Variants in TAFA1 observed in about 807,000 individuals in gnomAD.
The protein encoded by TAFA1 is chemokine-like protein TAFA-1.
A neutral mutation model predicts 18.5 loss-of-function variants in TAFA1; 4 were observed. The observed-to-expected ratio is 0.22, with a 90% CI of 0.11 to 0.49. The LOEUF is 0.49. Among genes scored for constraint, TAFA1 ranks in the 20% least tolerant of loss-of-function variants. The probability of loss-of-function intolerance (pLI) is 0.98; values close to 1 mark genes in which losing one functional copy is unlikely to be tolerated. For synonymous variants in TAFA1, 56 were observed against 55.2 expected, an observed-to-expected ratio of 1.01 and a Z score of -0.06; for missense variants, 147 against 169.0, an observed-to-expected ratio of 0.87 and a Z score of 0.72.
chr3:68,424,719 G>T (rs928269289), intron 3 of TAFA1, among the ~76,000 whole-genome samples: 2 of 151,952 alleles, frequency 1.3e-5, no homozygotes, highest in Admixed American at 1.3e-4. Flanking sequence ...TATGTGAGAA[G>T]GATTATGTAT....
At chr3:68,499,715 A>G (rs1269589506) in intron 3 of TAFA1, among the ~76,000 whole-genome samples, 2 of 151,762 alleles carry the variant, frequency 1.3e-5, no homozygotes, top group Non-Finnish European at 1.5e-5. Context: ...GCAGAAATAA[A>G]CGTATGAATA....
At chr3:68,356,405 T>G (rs758428409) in intron 2 of TAFA1, among the ~76,000 whole-genome samples, 1 of 151,828 alleles carries the variant, frequency 6.6e-6, no homozygotes, top group Non-Finnish European at 1.5e-5. Flanking sequence ...CACGGATGCT[T>G]GGGTTCTTTC....
At chr3:68,464,012 T>C (rs1019297481) in intron 3 of TAFA1, among the ~76,000 whole-genome samples, 1 of 152,210 alleles carries the variant, frequency 6.6e-6, no homozygotes, top group Non-Finnish European at 1.5e-5. Context: ...TAGGACCCTT[T>C]ATAGATTTGA....
At chr3:68,153,755 A>G (rs1220821698) in intron 2 of TAFA1, among the ~76,000 whole-genome samples, 1 of 152,140 alleles carries the variant, frequency 6.6e-6, no homozygotes, top group African/African-American at 2.4e-5. Context: ...GAACCCTGTC[A>G]TATGACTCCC....
intron 2 of TAFA1, among the ~76,000 whole-genome samples, chr3:68,079,169 A>AT (rs61294621): frequency 6.6e-6 from 1 of 152,114 alleles, no homozygotes; most frequent in Non-Finnish European, 1.5e-5. Flanking sequence ...CCCCTTTATC[A>AT]TTTTTTATTG....
intron 2 of TAFA1, among the ~76,000 whole-genome samples, chr3:68,381,128 T>A (rs1203766695): frequency 9.0e-6 from 1 of 111,152 alleles, no homozygotes; most frequent in Non-Finnish European, 1.8e-5. Context: ...CATTGGTCTA[T>A]ATCTCTGTTT....
At chr3:68,474,330 G>T (rs1385336702) in intron 3 of TAFA1, among the ~76,000 whole-genome samples, 1 of 152,148 alleles carries the variant, frequency 6.6e-6, no homozygotes. Context: ...GGTTGAAATA[G>T]GAATGAAACA....
At chr3:68,395,148 C>G (rs556156055) in intron 2 of TAFA1, among the ~76,000 whole-genome samples, 4 of 152,202 alleles carry the variant, frequency 2.6e-5, no homozygotes, top group African/African-American at 4.8e-5. Flanking sequence ...TAAACAAACA[C>G]TTTTCAAAAG....
In TAFA1 at chr3:68,503,312, C is replaced by T. The variant is rs143134396; in HGVS notation, c.260-35444C>T. Among the ~76,000 whole-genome samples the T allele has an allele frequency of 4.8e-3, 730 of 152,194 alleles. 8 individuals are homozygous for T. The highest frequency in any genetic ancestry group is 0.017 in the African/African-American group (703 of 41,526). ...TTATGTATGTACAAGTACTGCAAAA[C>T]CCAAAAAACCTGAAATCTGTAACAC... On this transcript the variant is annotated intron_variant, in intron 3 of 4. Coordinates refer to ENST00000478136, the MANE Select transcript of TAFA1 (RefSeq NM_213609.4).
At chr3:68,091,404 T>G (rs1156286472) in intron 2 of TAFA1, among the ~76,000 whole-genome samples, 1 of 152,170 alleles carries the variant, frequency 6.6e-6, no homozygotes, top group Non-Finnish European at 1.5e-5. Context: ...CTATCCATTC[T>G]CACTTCTCCA....
intron 1 of TAFA1, among the ~76,000 whole-genome samples, chr3:68,004,999 T>C (rs999330719): frequency 6.6e-6 from 1 of 152,180 alleles, no homozygotes; most frequent in Admixed American, 6.6e-5. Context: ...AAAGCAGTCA[T>C]TGAAAAACTA....
At chr3:68,345,720 GC>G (rs1251115944) in intron 2 of TAFA1, among the ~76,000 whole-genome samples, 1 of 152,082 alleles carries the variant, frequency 6.6e-6, no homozygotes, top group Non-Finnish European at 1.5e-5. Flanking sequence ...AAAGGCCTTT[GC>G]AAAAAGTGTT....
intron 2 of TAFA1, among the ~76,000 whole-genome samples, chr3:68,168,209 T>G (rs974438407): frequency 5.3e-5 from 8 of 150,598 alleles, no homozygotes; most frequent in African/African-American, 2.0e-4. Context: ...AACCACTATC[T>G]CTTGTGTTGG....
intron 3 of TAFA1, among the ~76,000 whole-genome samples, chr3:68,506,074 G>GT (rs953257581): frequency 2.0e-4 from 31 of 151,788 alleles, no homozygotes; most frequent in African/African-American, 7.5e-4. Context: ...AGTGCATGAT[G>GT]TTCCCCCCTC....
chr3:68,373,369 T>C (rs926800317), intron 2 of TAFA1, among the ~76,000 whole-genome samples: 9 of 152,200 alleles, frequency 5.9e-5, no homozygotes, highest in African/African-American at 2.2e-4. Context: ...AAATTAAAGT[T>C]ACATGACTAG....
intron 2 of TAFA1, among the ~76,000 whole-genome samples, chr3:68,415,672 G>C (rs1384776552): frequency 6.1e-5 from 9 of 147,844 alleles, no homozygotes; most frequent in Admixed American, 4.1e-4. Flanking sequence ...CTTATTATAG[G>C]AAGTATATAC....
At chr3:68,037,688 GT>G (rs1437482240) in intron 2 of TAFA1, among the ~76,000 whole-genome samples, 1 of 152,080 alleles carries the variant, frequency 6.6e-6, no homozygotes, top group East Asian at 1.9e-4. Context: ...TTTTTCAGTG[GT>G]TTCTGCAGGG....
chr3:68,506,806 T>A (rs1188530791), intron 3 of TAFA1, among the ~76,000 whole-genome samples: 1 of 145,348 alleles, frequency 6.9e-6, no homozygotes, highest in South Asian at 2.2e-4. Context: ...GCCCTTCTTT[T>A]CAAAATGACT....
intron 3 of TAFA1, among the ~76,000 whole-genome samples, chr3:68,459,158 A>G (rs567239475): frequency 1.5e-4 from 23 of 152,330 alleles, no homozygotes; most frequent in African/African-American, 5.1e-4. Context: ...CATTTTGGGC[A>G]AGGAAGTGCT....
Sources: allele counts gnomAD v4.1 joint callset (sites outside exome capture counted in the v4.1 genomes callset), GRCh38; gene constraint gnomAD v4.1.1; transcripts MANE v1.5; gene names NCBI Gene and HGNC (gene_info 2026-07-23, HGNC 2026-07-21).